The following UVSSA variants were observed in gnomAD, a reference collection of about 807,000 sequenced individuals.
UVSSA encodes UV stimulated scaffold protein A.
In UVSSA, 72 loss-of-function variants were observed where a neutral mutation model predicts 73.9. That is an observed-to-expected ratio of 0.97 (90% confidence interval 0.81 to 1.19). The LOEUF is 1.19. Ranked by LOEUF, UVSSA falls within the 50% of genes most tolerant of loss-of-function variation. The pLI is 0.00. For missense variants in UVSSA, 1,150 were observed against 965.0 expected (o/e 1.19, Z -2.54); for synonymous variants, 454 against 391.3 (o/e 1.16, Z -1.89).
chr4:1,348,254 C>T, intron 2 of UVSSA, 65 bp downstream of exon 2: 3 of 1,288,846 alleles, frequency 2.3e-6, no homozygotes, highest in Non-Finnish European at 3.4e-6. Flanking sequence ...ACACAGGGCC[C>T]TGCCCTCCTG....
At chr4:1,354,063 C>CTT (rs1577296740) in intron 5 of UVSSA, among the ~76,000 whole-genome samples, 1 of 152,230 alleles carries the variant, frequency 6.6e-6, no homozygotes, top group East Asian at 1.9e-4. Flanking sequence ...GAACCTTCTT[C>CTT]TTTGGAAGCA....
At chr4:1,346,745 C>G (rs1713741762), upstream of UVSSA, among the ~76,000 whole-genome samples, 1 of 152,104 alleles carries the variant, frequency 6.6e-6, no homozygotes, top group African/African-American at 2.4e-5. Context: ...TGGCTGCGAG[C>G]CCGCGGGCGG....
chr4:1,355,565 C>T (rs1039333420), intron 7 of UVSSA, among the ~76,000 whole-genome samples: 4 of 152,204 alleles, frequency 2.6e-5, no homozygotes, highest in African/African-American at 9.7e-5. Flanking sequence ...TCTAGGGAGT[C>T]ATCAGCAGTG....
chr4:1,355,094 C>T (rs376763622), intron 6 of UVSSA, 23 bp from the exon 7 acceptor site: 36 of 1,612,232 alleles, frequency 2.2e-5, no homozygotes, highest in Non-Finnish European at 4.2e-6. Context: ...GGCCCCTGAG[C>T]TGTTCGCACC....
chr4:1,361,548 T>C (rs1362544944), intron 7 of UVSSA, among the ~76,000 whole-genome samples: 2 of 152,266 alleles, frequency 1.3e-5, no homozygotes, highest in East Asian at 3.8e-4. Context: ...CCGACAGTGC[T>C]GCCCGCCAGG....
intron 8 of UVSSA, among the ~76,000 whole-genome samples, chr4:1,366,682 C>T (rs1285597330): frequency 2.0e-5 from 3 of 152,188 alleles, no homozygotes; most frequent in South Asian, 2.1e-4. Flanking sequence ...CAGCCTGCCC[C>T]GCGGTGGGCT....
intron 7 of UVSSA, among the ~76,000 whole-genome samples, chr4:1,365,470 CT>C (rs1379249867): frequency 1.3e-5 from 2 of 152,186 alleles, no homozygotes; most frequent in Non-Finnish European, 2.9e-5. Flanking sequence ...AAGGAACTGG[CT>C]TTTCTCAGGG....
At chr4:1,395,702 A>T in exon 14 of UVSSA, 1 of 1,614,188 alleles carries the variant, frequency 6.2e-7, no homozygotes, top group Non-Finnish European at 8.5e-7. Context: ...CCGCCTGCTC[A>T]CACAAAGCCC....
rs374737265 is a variant in UVSSA, at chr4:1,376,301, C to T, written c.1568+133C>T. The T allele has an allele frequency of 6.2e-4, 829 of 1,337,302 alleles. 3 individuals are homozygous for T. The African/African-American group carries it at 0.01, about 17-fold the overall frequency. 82.8% of individuals were successfully genotyped at this position (1,337,302 alleles called of 1,614,324 possible). ...TGCCTCCCAGCTCTGCCCCACCTTC[C>T]GGGCACCTGGAGGGGCACAGGGGTG... On this transcript the variant is annotated intron_variant, in intron 10 of 13. Coordinates refer to ENST00000389851, the MANE Select transcript of UVSSA (RefSeq NM_020894.4).
chr4:1,349,062 G>A (rs1406590949), intron 2 of UVSSA, among the ~76,000 whole-genome samples: 1 of 147,430 alleles, frequency 6.8e-6, no homozygotes, highest in Admixed American at 6.7e-5. Context: ...GGCGGTTGGC[G>A]TTTGTGCCGG....
chr4:1,380,787 T>A, intron 11 of UVSSA, 93 bp from the exon 12 acceptor site: 1 of 1,587,794 alleles, frequency 6.3e-7, no homozygotes, highest in Non-Finnish European at 8.6e-7. Flanking sequence ...CCCACCCTGG[T>A]CGCTGTTTGT....
At chr4:1,367,985 C>A (rs913565489) in intron 8 of UVSSA, among the ~76,000 whole-genome samples, 1 of 152,274 alleles carries the variant, frequency 6.6e-6, no homozygotes, top group Non-Finnish European at 1.5e-5. Flanking sequence ...TTGGCCGCTG[C>A]AATCTCCTTC....
At chr4:1,367,070 G>C (rs1199860779) in intron 8 of UVSSA, among the ~76,000 whole-genome samples, 10 of 152,206 alleles carry the variant, frequency 6.6e-5, no homozygotes, top group Admixed American at 6.5e-4. Context: ...CCTCACCGCT[G>C]GTGATGCCAC....
At chr4:1,369,921 G>T (rs910648061) in intron 8 of UVSSA, among the ~76,000 whole-genome samples, 1 of 152,272 alleles carries the variant, frequency 6.6e-6, no homozygotes, top group Non-Finnish European at 1.5e-5. Context: ...CGGCTGTGAC[G>T]TGTGGCCTCT....
rs552086787 is a variant in UVSSA, at chr4:1,380,246, G to A, written c.1752+16G>A. 8 of 1,602,852 alleles carry A rather than the reference G, an allele frequency of 5.0e-6. No individual in the cohort carries two copies. Among genetic ancestry groups the A allele is most frequent in the African/African-American group, 1.3e-5 (1 of 74,886 alleles). On this transcript the variant is annotated intron_variant, in intron 11 of 13. Coordinates refer to ENST00000389851, the MANE Select transcript of UVSSA (RefSeq NM_020894.4). ...CCGGCTGAAGGTGAGGCCGTGGCCCGAGGGCGGGGGTGGGTGTGGGCTGGA... is the reference window on the plus strand; with the variant it reads ...CCGGCTGAAGGTGAGGCCGTGGCCCAAGGGCGGGGGTGGGTGTGGGCTGGA...
chr4:1,345,559 C>T (rs1016927255), upstream of UVSSA, among the ~76,000 whole-genome samples: 2 of 142,056 alleles, frequency 1.4e-5, no homozygotes, highest in African/African-American at 2.7e-5. Context: ...GCAGGAGAAT[C>T]GTTTGAACCC....
Position 1,374,907 on chromosome 4 carries a change from G to A in UVSSA, c.1289-457G>A, listed in dbSNP as rs369904471. 339 of 181,992 alleles carry A rather than the reference G, an allele frequency of 1.9e-3. 3 individuals carry two copies. The highest frequency in any genetic ancestry group is 5.4e-3 in the South Asian group (44 of 8,110). 11.3% of individuals were successfully genotyped at this position (181,992 alleles called of 1,614,324 possible). A position where few individuals can be genotyped will look rare whatever the true frequency, so the allele number is the denominator to read the frequency against. On this transcript the variant is annotated intron_variant, in intron 8 of 13. Transcript: ENST00000389851. ...TGAGGACCATGTGAGCACCCTGTGGGTGGCCTTTCCAAGCGGCTGCCACCT... is the reference window on the plus strand; with the variant it reads ...TGAGGACCATGTGAGCACCCTGTGGATGGCCTTTCCAAGCGGCTGCCACCT...
rs1720095355 is a variant in UVSSA at position 1,386,152 on chromosome 4, A to C, written c.*191A>C. 1 of 640,562 alleles carries C rather than the reference A, an allele frequency of 1.6e-6. No homozygotes were observed. The highest frequency in any genetic ancestry group is 2.7e-6 in the Non-Finnish European group (1 of 369,822). The allele number at this position is 640,562 out of a possible 1,614,324, so 39.7% of individuals were successfully genotyped here. A position where few individuals can be genotyped will look rare whatever the true frequency, so the allele number is the denominator to read the frequency against. Reference sequence around the variant, plus strand: ...CTACAGGGTTCGGCATCGTCTGGTGATGGGTCTGGCCTCGCAGAAGAGGCC... The same window carrying C: ...CTACAGGGTTCGGCATCGTCTGGTGCTGGGTCTGGCCTCGCAGAAGAGGCC... On this transcript the variant is annotated 3_prime_UTR_variant, in exon 14 of 14. Coordinates refer to ENST00000389851, the MANE Select transcript of UVSSA (RefSeq NM_020894.4).
chr4:1,346,640 G>C (rs978341442), upstream of UVSSA, among the ~76,000 whole-genome samples: 1 of 152,078 alleles, frequency 6.6e-6, no homozygotes, highest in Non-Finnish European at 1.5e-5. Flanking sequence ...GGCGCCGCGG[G>C]GTTCAGGGCG....
Sources: allele counts gnomAD v4.1 joint callset (sites outside exome capture counted in the v4.1 genomes callset), GRCh38; gene constraint gnomAD v4.1.1; transcripts MANE v1.5; gene names NCBI Gene and HGNC (gene_info 2026-07-23, HGNC 2026-07-21).